ST6GAL2: variants seen among roughly 807,000 people sequenced by gnomAD.
The protein encoded by ST6GAL2 is ST6 beta-galactoside alpha-2,6-sialyltransferase 2, also known as beta-galactoside alpha-2,6-sialyltransferase 2.
A neutral mutation model predicts 37.5 loss-of-function variants in ST6GAL2; 24 were observed. The observed-to-expected ratio is 0.64, with a 90% CI of 0.46 to 0.90. ST6GAL2 has a LOEUF of 0.90. ST6GAL2 is among the 40% of genes least tolerant of loss of function. ST6GAL2 has a pLI of 0.00. For missense variants in ST6GAL2, 715 were observed against 712.7 expected, an observed-to-expected ratio of 1.00 and a Z score of -0.04; for synonymous variants, 306 against 295.1, an observed-to-expected ratio of 1.04 and a Z score of -0.38.
intron 1 of ST6GAL2, among the ~76,000 whole-genome samples, chr2:106,859,444 C>T (rs773690102): frequency 5.3e-5 from 8 of 152,186 alleles, no homozygotes; most frequent in Non-Finnish European, 1.2e-4. Context: ...GATATCGCCA[C>T]TTAAATGTGT....
At chr2:106,885,282 A>C in intron 1 of ST6GAL2, among the ~76,000 whole-genome samples, 1 of 152,008 alleles carries the variant, frequency 6.6e-6, no homozygotes, top group East Asian at 1.9e-4. Context: ...CCTCTCGCCA[A>C]ATTTTTCGCA....
At chr2:106,849,226 G>A (rs1046369292) in intron 1 of ST6GAL2, among the ~76,000 whole-genome samples, 4 of 151,902 alleles carry the variant, frequency 2.6e-5, no homozygotes, top group Admixed American at 6.6e-5. Context: ...ATTCCTAAGC[G>A]CCTCAACTGA....
At chr2:106,811,677 C>A (rs1453323052) in intron 5 of ST6GAL2, among the ~76,000 whole-genome samples, 1 of 152,148 alleles carries the variant, frequency 6.6e-6, no homozygotes, top group Non-Finnish European at 1.5e-5. Context: ...ATCTCTTCTG[C>A]AATGCCCCAA....
intron 1 of ST6GAL2, among the ~76,000 whole-genome samples, chr2:106,844,509 G>A (rs965576716): frequency 2.0e-5 from 3 of 152,078 alleles, no homozygotes; most frequent in South Asian, 4.2e-4. Flanking sequence ...TTACAGCAGC[G>A]CTGCTGTGCA....
intron 1 of ST6GAL2, among the ~76,000 whole-genome samples, chr2:106,884,340 C>T (rs867606646): frequency 2.6e-5 from 4 of 152,192 alleles, no homozygotes; most frequent in South Asian, 2.1e-4. Context: ...CACATATTTT[C>T]AAATGTTAAA....
chr2:106,807,678 G>C (rs1198807919), intron 5 of ST6GAL2, among the ~76,000 whole-genome samples: 1 of 148,354 alleles, frequency 6.7e-6, no homozygotes, highest in African/African-American at 2.5e-5. Flanking sequence ...GCTCAAGCTG[G>C]AGTGCAGTGG....
chr2:106,850,670 A>G (rs529073846), intron 1 of ST6GAL2, among the ~76,000 whole-genome samples: 1 of 152,326 alleles, frequency 6.6e-6, no homozygotes, highest in African/African-American at 2.4e-5. Context: ...TATCTGTAAC[A>G]AATCCAGGTT....
At chr2:106,822,470 T>A (rs1573219605) in intron 5 of ST6GAL2, among the ~76,000 whole-genome samples, 1 of 152,066 alleles carries the variant, frequency 6.6e-6, no homozygotes, top group East Asian at 1.9e-4. Flanking sequence ...ATGAAAATTA[T>A]AAAACATCCA....
intron 2 of ST6GAL2, among the ~76,000 whole-genome samples, chr2:106,836,728 G>C (rs1320045566): frequency 7.8e-6 from 1 of 127,932 alleles, no homozygotes; most frequent in Non-Finnish European, 1.5e-5. Context: ...GGGAGTTCGA[G>C]ACCAGCCTGA....
Position 106,824,494 on chromosome 2 carries a change from C to T in ST6GAL2, c.1318+5572G>A, listed in dbSNP as rs563611244. On this transcript the variant is annotated intron_variant, in intron 5 of 5. Transcript: ENST00000409382. ...AAGAATACAAAAAATTAGCTGGGCA[C>T]GGTGGCACGCGCCTGTAGTCCCAGC... is the stretch of plus-strand genomic sequence containing the variant. Among the ~76,000 whole-genome samples the T allele has an allele frequency of 1.8e-4, 27 of 152,056 alleles. 1 individual carries two copies. Among genetic ancestry groups the T allele is most frequent in the Admixed American group, 4.6e-4 (7 of 15,270 alleles).
At chr2:106,841,466 T>TTGTTTTACAAATATG (rs1185759214) in intron 2 of ST6GAL2, among the ~76,000 whole-genome samples, 1 of 152,224 alleles carries the variant, frequency 6.6e-6, no homozygotes. Context: ...TGACTCACAT[T>TTGTTTTACAAATATG]TGTTTTACTG....
At chr2:106,831,384 A>G (rs1676415401) in intron 4 of ST6GAL2, among the ~76,000 whole-genome samples, 1 of 152,144 alleles carries the variant, frequency 6.6e-6, no homozygotes, top group Non-Finnish European at 1.5e-5. Context: ...CTAACAGAGG[A>G]AGAAATAAGG....
chr2:106,835,673 C>T (rs963900584), intron 2 of ST6GAL2, among the ~76,000 whole-genome samples: 1 of 152,198 alleles, frequency 6.6e-6, no homozygotes, highest in Admixed American at 6.5e-5. Flanking sequence ...GACACACTCA[C>T]TGTACATGCT....
intron 5 of ST6GAL2, among the ~76,000 whole-genome samples, chr2:106,826,933 C>G (rs1045455969): frequency 6.6e-6 from 1 of 152,154 alleles, no homozygotes; most frequent in African/African-American, 2.4e-5. Flanking sequence ...TCAGAACAAT[C>G]GGAGGCCAGG....
At chr2:106,851,335 T>A (rs1482046586) in intron 1 of ST6GAL2, among the ~76,000 whole-genome samples, 2 of 152,202 alleles carry the variant, frequency 1.3e-5, no homozygotes, top group East Asian at 3.9e-4. Flanking sequence ...ACATCTTAAA[T>A]ACTAATGCCC....
intron 1 of ST6GAL2, among the ~76,000 whole-genome samples, chr2:106,869,403 T>G (rs1343173507): frequency 6.6e-6 from 1 of 152,184 alleles, no homozygotes; most frequent in African/African-American, 2.4e-5. Flanking sequence ...TCTTGTTTCA[T>G]CCTTTCATCT....
intron 1 of ST6GAL2, among the ~76,000 whole-genome samples, chr2:106,884,210 G>A (rs1678867521): frequency 6.6e-6 from 1 of 152,068 alleles, no homozygotes; most frequent in Non-Finnish European, 1.5e-5. Context: ...TGGCTGGATT[G>A]GCCACAACTC....
chr2:106,804,911 ATAAGT>A lies in ST6GAL2; in HGVS notation c.*1762_*1766del, dbSNP rs1034800298. On this transcript the variant is annotated 3_prime_UTR_variant, in exon 6 of 6. Transcript: ENST00000409382. ...ATGGCTTAACCATGTCTATTTAGAC[ATAAGT>A]TAATATATAGGACAAAGTTACCTAT... 2.1e-4 allele frequency: 32 copies of A among 152,114 alleles called. No homozygotes were observed. Among genetic ancestry groups the A allele is most frequent in the African/African-American group, 7.5e-4 (31 of 41,430 alleles). 9.4% of individuals were successfully genotyped at this position (152,114 alleles called of 1,614,324 possible).
At position 106,858,081 on chromosome 2, in the gene ST6GAL2, T is replaced by C. The variant is rs1214093920; in HGVS notation, c.-57-14047A>G. Among the ~76,000 whole-genome samples, 3 of 152,244 alleles carry C rather than the reference T, an allele frequency of 2.0e-5. No individual in the cohort carries two copies. In the East Asian group the frequency reaches 5.8e-4, roughly 29 times the overall value. ...TGGCCAGTGAGTCACTGTTCCCTTG[T>C]GAACAGCAGCATAAAAGCTTTTTTG... On this transcript the variant is annotated intron_variant, in intron 1 of 5. Transcript: ENST00000409382.
Sources: gnomAD v4.1 joint callset for allele counts (sites outside exome capture counted in the v4.1 genomes callset) on GRCh38, gnomAD v4.1.1 for gene constraint, MANE v1.5 for transcripts, NCBI Gene and HGNC (gene_info 2026-07-23, HGNC 2026-07-21) for gene names.